PARP2: variants seen among roughly 807,000 people sequenced by gnomAD.
The protein encoded by PARP2 is poly [ADP-ribose] polymerase 2.
A neutral mutation model predicts 77.8 loss-of-function variants in PARP2; 57 were observed. The observed-to-expected ratio is 0.73, with a 90% CI of 0.59 to 0.91. The LOEUF (loss-of-function observed/expected upper bound fraction) is 0.91. Ranked by LOEUF, PARP2 falls within the 40% of genes least tolerant of loss-of-function variation. The pLI, the probability that PARP2 is intolerant of heterozygous loss-of-function variation, is 0.00. For synonymous variants in PARP2, 226 were observed against 242.6 expected, an observed-to-expected ratio of 0.93 and a Z score of 0.64; for missense variants, 651 against 689.0, an observed-to-expected ratio of 0.94 and a Z score of 0.62.
chr14:20,352,495 ACCTCAGCCT>A (rs1470639175), intron 7 of PARP2, 148 bp downstream of exon 7: 1 of 497,462 alleles, frequency 2.0e-6, no homozygotes, highest in Non-Finnish European at 3.5e-6. Context: ...TGATCCTCCC[ACCTCAGCCT>A]CCTCAGTATC....
intron 6 of PARP2, 123 bp from the exon 7 acceptor site, chr14:20,352,122 A>G: frequency 1.9e-6 from 1 of 516,186 alleles, no homozygotes; most frequent in South Asian, 3.6e-5. Flanking sequence ...TGATTTATGG[A>G]AAGTTGATGT....
rs151059730 is a variant in PARP2, at chr14:20,356,652, G to A, written c.1292G>A (p.Arg431Gln). Residue 431 changes from arginine (R) to glutamine (Q), a missense_variant, in exon 13 of 16, where the codon CGA (arginine) becomes CAA (glutamine). Arg to Gln is a conservative substitution (Grantham distance 43). Coordinates refer to ENST00000429687, the MANE Select transcript of PARP2 (RefSeq NM_001042618.2). ...GTGGGAATCTTGAGCCATGGGCTTCGAATTGCCCCACCTGAAGCTCCCATC... is the reference window on the plus strand; with the variant it reads ...GTGGGAATCTTGAGCCATGGGCTTCAAATTGCCCCACCTGAAGCTCCCATC... ...NWVGILSHGL[R>Q]IAPPEAPITG... 42 of 1,613,990 alleles carry A rather than the reference G, an allele frequency of 2.6e-5. No individual in the cohort carries two copies. The highest frequency in any genetic ancestry group is 8.0e-5 in the African/African-American group (6 of 75,030).
In PARP2 at chr14:20,349,060, C is replaced by T. The variant is rs893395075; in HGVS notation, c.325-1466C>T. Among the ~76,000 whole-genome samples, 7 of 152,036 alleles carry T rather than the reference C, an allele frequency of 4.6e-5. No homozygotes were observed. The South Asian group carries it at 1.5e-3, about 32-fold the overall frequency. On this transcript the variant is annotated intron_variant, in intron 4 of 15. Transcript: ENST00000429687. Reference sequence around the variant, plus strand: ...AAGAAGGAAAATACCTTAAGGCAGCCAGGTGTGGTGGCTCATGCCTGTCAT... The same window carrying T: ...AAGAAGGAAAATACCTTAAGGCAGCTAGGTGTGGTGGCTCATGCCTGTCAT...
At chr14:20,352,464 C>T (rs1883992296) in intron 7 of PARP2, 117 bp downstream of exon 7, 1 of 596,700 alleles carries the variant, frequency 1.7e-6, no homozygotes, top group Non-Finnish European at 2.9e-6. Flanking sequence ...TCACTGCAGC[C>T]TCAAGATCCT....
intron 13 of PARP2, 152 bp from the exon 14 acceptor site, chr14:20,356,899 G>T (rs1594304591): frequency 2.9e-6 from 2 of 685,414 alleles, no homozygotes; most frequent in East Asian, 5.4e-5. Flanking sequence ...ATTCACAGGG[G>T]CTTCTACCCT....
At chr14:20,347,936 C>T (rs1883829212) in intron 4 of PARP2, among the ~76,000 whole-genome samples, 1 of 150,394 alleles carries the variant, frequency 6.6e-6, no homozygotes, top group Non-Finnish European at 1.5e-5. Context: ...GCAGTTTGTA[C>T]AGTCATAGCC....
At chr14:20,347,257 C>T (rs1280156733) in intron 4 of PARP2, among the ~76,000 whole-genome samples, 1 of 145,944 alleles carries the variant, frequency 6.9e-6, no homozygotes, top group Non-Finnish European at 1.5e-5. Flanking sequence ...GTCTCGAACT[C>T]GTGACTTCAA....
Position 20,355,983 on chromosome 14 carries a change from C to T in PARP2, c.1053C>T (p.Asn351=). The stretch of plus-strand genomic sequence containing the variant: ...ACCCATTGGACCAACACTATAGAAA[C>T]CTACATTGTGCCTTGCGCCCCCTTG... ...PEHPLDQHYR[N]LHCALRPLDH... Residue 351 remains asparagine, a synonymous_variant, in exon 11 of 16, where the codon AAC becomes AAT. Transcript: ENST00000429687. The T allele has an allele frequency of 6.2e-7, 1 of 1,614,040 alleles. No homozygotes were observed. Among genetic ancestry groups the T allele is most frequent in the South Asian group, 1.1e-5 (1 of 91,076 alleles).
Position 20,345,053 on chromosome 14 carries a change from A to T in PARP2, c.168A>T (p.Lys56Asn), listed in dbSNP as rs764004387. The change falls in exon 2 of 16, where the codon AAA becomes AAT. Residue 56 changes from lysine (K) to asparagine (N), a missense_variant. Lys to Asn is a moderately conservative substitution (Grantham distance 94). Transcript: ENST00000429687. Reference sequence around the variant, plus strand: ...AAAAGATGCCTGTGGCTGGAGGAAAAGCTAATAAGGACAGGACAGAAGACA... The same window carrying T: ...AAAAGATGCCTGTGGCTGGAGGAAATGCTAATAAGGACAGGACAGAAGACA... Reference protein sequence around the residue: ...ESKKMPVAGGKANKDRTEDKQ... With the variant: ...ESKKMPVAGGNANKDRTEDKQ... 6.2e-7 allele frequency: 1 copy of T among 1,614,122 alleles called. No individual in the cohort carries two copies. The highest frequency in any genetic ancestry group is 8.5e-7 in the Non-Finnish European group (1 of 1,179,978).
chr14:20,352,384 T>C (rs572069074), intron 7 of PARP2, 37 bp downstream of exon 7: 7 of 1,265,532 alleles, frequency 5.5e-6, no homozygotes, highest in Non-Finnish European at 6.9e-6. Flanking sequence ...AAACACATCT[T>C]CTTTTTTTAT....
Position 20,357,102 on chromosome 14 carries a change from T to C in PARP2, c.1381T>C (p.Cys461Arg), listed in dbSNP as rs771462645. ...CATGTCTTCCAAGAGTGCCAATTAC[T>C]GCTTTGCCTCTCGCCTAAAGAATAC... ...ADMSSKSANYCFASRLKNTGL... is the reference protein window; with the variant it reads ...ADMSSKSANYRFASRLKNTGL... Residue 461 changes from cysteine to arginine, a missense_variant, in exon 14 of 16, where the codon TGC becomes CGC. Cys to Arg is a radical substitution (Grantham distance 180, BLOSUM62 -3). Coordinates refer to ENST00000429687, the MANE Select transcript of PARP2 (RefSeq NM_001042618.2). The C allele has an allele frequency of 2.9e-5, 47 of 1,613,456 alleles. No homozygotes were observed. Among genetic ancestry groups the C allele is most frequent in the Admixed American group, 2.0e-4 (12 of 60,002 alleles).
At chr14:20,354,709 A>G (rs1884078670) in intron 8 of PARP2, 100 bp from the exon 9 acceptor site, 2 of 1,247,138 alleles carry the variant, frequency 1.6e-6, no homozygotes, top group African/African-American at 1.5e-5. Context: ...ACAGGAAAAA[A>G]AAAAGTTGAA....
In PARP2 at chr14:20,353,804, T is replaced by TCA. The variant is rs1431424240; in HGVS notation, c.601-281_601-280insCA. Among the ~76,000 whole-genome samples the TCA allele has an allele frequency of 7.2e-5, 11 of 152,034 alleles. 1 individual carries two copies. On this transcript the variant is annotated intron_variant, in intron 7 of 15. Coordinates refer to ENST00000429687, the MANE Select transcript of PARP2 (RefSeq NM_001042618.2). The stretch of plus-strand genomic sequence containing the variant: ...ACACACTGACGTCATGAGGAAAGCC[T>TCA]TTTTTTTCTAGACTTATTCTGAGTT...
At chr14:20,353,371 G>T (rs1235274435) in intron 7 of PARP2, among the ~76,000 whole-genome samples, 1 of 151,980 alleles carries the variant, frequency 6.6e-6, no homozygotes, top group Non-Finnish European at 1.5e-5. Context: ...CTCCGGAGTA[G>T]CTGGGACTAC....
At chr14:20,347,032 T>A in intron 4 of PARP2, 119 bp downstream of exon 4, 1 of 658,774 alleles carries the variant, frequency 1.5e-6, no homozygotes, top group Non-Finnish European at 2.6e-6. Flanking sequence ...TTTTTAAATT[T>A]TGTTTTTTCT....
chr14:20,345,202 C>A, intron 2 of PARP2, 115 bp downstream of exon 2: 1 of 1,258,358 alleles, frequency 7.9e-7, no homozygotes, highest in South Asian at 1.3e-5. Context: ...TAATTAATTT[C>A]TCTATCCTTT....
chr14:20,345,197 A>T, intron 2 of PARP2, 110 bp downstream of exon 2: 1 of 1,280,268 alleles, frequency 7.8e-7, no homozygotes, highest in South Asian at 1.3e-5. Context: ...GGGAATAATT[A>T]ATTTCTCTAT....
At chr14:20,352,878 T>C (rs1238582259) in intron 7 of PARP2, 1 of 120,618 alleles carries the variant, frequency 8.3e-6, no homozygotes, top group Non-Finnish European at 1.6e-5. Flanking sequence ...TTACTAAGGT[T>C]CTTTTTTTTT....
Position 20,345,260 on chromosome 14 carries a change from T to A in PARP2, c.203-134T>A, listed in dbSNP as rs964501628. 16 of 1,010,596 alleles carry A rather than the reference T, an allele frequency of 1.6e-5. No individual in the cohort carries two copies. The Admixed American group carries it at 3.7e-4, about 23-fold the overall frequency. The allele number at this position is 1,010,596 out of a possible 1,614,324, so 62.6% of individuals were successfully genotyped here. On this transcript the variant is annotated intron_variant, in intron 2 of 15. Transcript: ENST00000429687. Reference sequence around the variant, plus strand: ...ACTGCCTTGAATCTTCATTTTCATGTATTTGAGATGGATTGGGGTCTAAGG... The same window carrying A: ...ACTGCCTTGAATCTTCATTTTCATGAATTTGAGATGGATTGGGGTCTAAGG...
Sources: allele counts gnomAD v4.1 joint callset (sites outside exome capture counted in the v4.1 genomes callset), GRCh38; gene constraint gnomAD v4.1.1; transcripts MANE v1.5; gene names NCBI Gene and HGNC (gene_info 2026-07-23, HGNC 2026-07-21).